CFAP299: variants seen among roughly 807,000 people sequenced by gnomAD.
The protein encoded by CFAP299 is cilia and flagella associated protein 299.
In CFAP299, 21 loss-of-function variants were observed where a neutral mutation model predicts 27.0. That is an observed-to-expected ratio of 0.78 (90% CI 0.55 to 1.12). The LOEUF (loss-of-function observed/expected upper bound fraction) is 1.12. CFAP299 is among the 50% of genes most tolerant of loss of function. The pLI, the probability that CFAP299 is intolerant of heterozygous loss-of-function variation, is 0.00. For synonymous variants in CFAP299, 104 were observed against 98.1 expected (o/e 1.06, Z -0.36); for missense variants, 310 against 276.6 (o/e 1.12, Z -0.86).
chr4:80,380,167 T>G (rs1396356529), intron 2 of CFAP299, among the ~76,000 whole-genome samples: 1 of 152,154 alleles, frequency 6.6e-6, no homozygotes, highest in South Asian at 2.1e-4. Flanking sequence ...ATCTTCACTC[T>G]TGGCAAGATT....
intron 3 of CFAP299, among the ~76,000 whole-genome samples, chr4:80,668,890 A>G (rs1404702421): frequency 6.6e-6 from 1 of 152,044 alleles, no homozygotes; most frequent in African/African-American, 2.4e-5. Context: ...CACTGAATCT[A>G]TAAAGTGCTT....
intron 1 of CFAP299, among the ~76,000 whole-genome samples, chr4:80,353,778 G>C (rs1723123093): frequency 1.3e-5 from 2 of 152,118 alleles, no homozygotes; most frequent in African/African-American, 4.8e-5. Flanking sequence ...AATAGAAATA[G>C]AGAAATCACC....
At chr4:80,558,880 G>C (rs1560623995) in intron 2 of CFAP299, among the ~76,000 whole-genome samples, 1 of 152,094 alleles carries the variant, frequency 6.6e-6, no homozygotes, top group Non-Finnish European at 1.5e-5. Flanking sequence ...AAGTACAAGA[G>C]TAATTCAGTA....
At chr4:80,685,341 A>G (rs757253581) in intron 3 of CFAP299, among the ~76,000 whole-genome samples, 1 of 152,240 alleles carries the variant, frequency 6.6e-6, no homozygotes, top group East Asian at 1.9e-4. Flanking sequence ...TAGCTACCCA[A>G]TGCAGAATGT....
chr4:80,850,829 G>C (rs1048761470), intron 3 of CFAP299, among the ~76,000 whole-genome samples: 1 of 152,066 alleles, frequency 6.6e-6, no homozygotes, highest in African/African-American at 2.4e-5. Context: ...AATGAGGTTT[G>C]AAATAAGATA....
intron 3 of CFAP299, among the ~76,000 whole-genome samples, chr4:80,652,358 G>C (rs974220786): frequency 5.6e-4 from 85 of 152,150 alleles, no homozygotes; most frequent in Middle Eastern, 3.4e-3. Flanking sequence ...ATAGAGAAAA[G>C]TAAGAAATGA....
At position 80,335,735 on chromosome 4, in the gene CFAP299, C is replaced by T. The variant is rs751482039; in HGVS notation, c.-34C>T. ...CCTCCTGACCCTGCCCTCCTGCTTC[C>T]GTTGCTAGGGACGCTTCGGCCGAGG... On this transcript the variant is annotated 5_prime_UTR_variant, in exon 1 of 6. Transcript: ENST00000358105. 8 of 1,329,630 alleles carry T rather than the reference C, an allele frequency of 6.0e-6. No individual in the cohort carries two copies. Among genetic ancestry groups the T allele is most frequent in the Non-Finnish European group, 8.7e-6 (8 of 921,144 alleles). 82.4% of individuals were successfully genotyped at this position (1,329,630 alleles called of 1,614,324 possible).
intron 3 of CFAP299, among the ~76,000 whole-genome samples, chr4:80,820,736 C>T (rs763622814): frequency 4.6e-5 from 7 of 152,102 alleles, no homozygotes; most frequent in South Asian, 2.1e-4. Context: ...ATTCTCTTTG[C>T]GTCCGCATTT....
At chr4:80,937,178 G>C (rs1245188946) in intron 4 of CFAP299, among the ~76,000 whole-genome samples, 1 of 151,004 alleles carries the variant, frequency 6.6e-6, no homozygotes, top group African/African-American at 2.4e-5. Flanking sequence ...AATTAATCTT[G>C]TTATCATTAT....
At chr4:80,934,160 C>CT (rs1038442222) in intron 4 of CFAP299, among the ~76,000 whole-genome samples, 5 of 151,726 alleles carry the variant, frequency 3.3e-5, no homozygotes, top group South Asian at 2.1e-4. Context: ...TTGTCAAATG[C>CT]TTTTTTTTGC....
At chr4:80,348,766 C>CAT (rs1317522274) in intron 1 of CFAP299, among the ~76,000 whole-genome samples, 3 of 152,184 alleles carry the variant, frequency 2.0e-5, no homozygotes, top group Non-Finnish European at 4.4e-5. Flanking sequence ...CCCTGGCTCC[C>CAT]ATATATATGA....
At chr4:80,328,993 G>C in the CFAP299 span, among the ~76,000 whole-genome samples, 2 of 151,978 alleles carry the variant, frequency 1.3e-5, no homozygotes, top group Non-Finnish European at 2.9e-5. Context: ...CCCGCAGCCC[G>C]TGTGCCATGT....
At chr4:80,340,097 A>C (rs913894739) in intron 1 of CFAP299, among the ~76,000 whole-genome samples, 1 of 152,226 alleles carries the variant, frequency 6.6e-6, no homozygotes, top group East Asian at 1.9e-4. Flanking sequence ...ATGAAAATGG[A>C]GAGTGAATTT....
intron 2 of CFAP299, among the ~76,000 whole-genome samples, chr4:80,405,782 G>C (rs957618707): frequency 6.6e-6 from 1 of 152,000 alleles, no homozygotes. Context: ...TATAAAACTG[G>C]GACTGATTCT....
At chr4:80,873,589 TAA>T (rs1028706534) in intron 4 of CFAP299, among the ~76,000 whole-genome samples, 17 of 152,192 alleles carry the variant, frequency 1.1e-4, no homozygotes, top group African/African-American at 3.9e-4. Context: ...GAGGAAAAGA[TAA>T]AGAGTAAACC....
intron 2 of CFAP299, among the ~76,000 whole-genome samples, chr4:80,396,005 C>T (rs890242028): frequency 2.0e-5 from 3 of 152,080 alleles, no homozygotes; most frequent in Non-Finnish European, 2.9e-5. Context: ...CTCTTCTCTG[C>T]CTTTTATAGG....
chr4:80,673,923 C>T (rs1448464414), intron 3 of CFAP299, among the ~76,000 whole-genome samples: 1 of 150,218 alleles, frequency 6.7e-6, no homozygotes, highest in African/African-American at 2.5e-5. Context: ...TGTCTTTGCA[C>T]ATGGGATGGG....
chr4:80,769,805 G>A (rs1309141602), intron 3 of CFAP299, among the ~76,000 whole-genome samples: 1 of 152,148 alleles, frequency 6.6e-6, no homozygotes, highest in Non-Finnish European at 1.5e-5. Flanking sequence ...GACCAAGACT[G>A]CAATTCTTAT....
At chr4:80,786,030 A>G (rs1320225393) in intron 3 of CFAP299, among the ~76,000 whole-genome samples, 3 of 152,136 alleles carry the variant, frequency 2.0e-5, no homozygotes, top group Non-Finnish European at 4.4e-5. Flanking sequence ...TTTAATGTTC[A>G]AAAGGACCTC....
Sources: gnomAD v4.1 joint callset for allele counts (sites outside exome capture counted in the v4.1 genomes callset) on GRCh38, gnomAD v4.1.1 for gene constraint, MANE v1.5 for transcripts, NCBI Gene and HGNC (gene_info 2026-07-23, HGNC 2026-07-21) for gene names.